The following TNFSF11 variants were observed in gnomAD, a reference collection of about 807,000 sequenced individuals.
TNFSF11 encodes the protein TNF superfamily member 11.
In TNFSF11, 12 loss-of-function variants were observed where a neutral mutation model predicts 32.2. The ratio of observed to expected loss-of-function variants is 0.37; its 90% confidence interval spans 0.24 to 0.60. The LOEUF is 0.60. Ranked by LOEUF, TNFSF11 falls within the 20% of genes least tolerant of loss-of-function variation. The pLI is 0.66. For missense variants in TNFSF11, 345 were observed against 398.0 expected, an observed-to-expected ratio of 0.87 and a Z score of 1.13; for synonymous variants, 172 against 152.1, an observed-to-expected ratio of 1.13 and a Z score of -0.96.
intron 2 of TNFSF11, among the ~76,000 whole-genome samples, chr13:42,596,622 A>G (rs1429211134): frequency 6.6e-6 from 1 of 152,238 alleles, no homozygotes; most frequent in Non-Finnish European, 1.5e-5. Context: ...AGTAGTAGTT[A>G]TAGTTTTCCA....
Position 42,607,101 on chromosome 13 carries a change from T to G in TNFSF11, c.*183T>G, listed in dbSNP as rs1869506509. 1.4e-6 allele frequency: 1 copy of G among 702,246 alleles called. No individual in the cohort carries two copies. Among genetic ancestry groups the G allele is most frequent in the African/African-American group, 1.8e-5 (1 of 55,602 alleles). The allele number at this position is 702,246 out of a possible 1,614,324, so 43.5% of individuals were successfully genotyped here. A position where few individuals can be genotyped will look rare whatever the true frequency, so the allele number is the denominator to read the frequency against. ...CGTATTTACAGCCAGTGGGAGATGT[T>G]AGACTCATGGTGTGTTACACAATGG... On this transcript the variant is annotated 3_prime_UTR_variant, in exon 5 of 5. Transcript: ENST00000398795.
chr13:42,563,140 C>T (rs915153668), intron 1 of TNFSF11, among the ~76,000 whole-genome samples: 1 of 152,204 alleles, frequency 6.6e-6, no homozygotes, highest in Non-Finnish European at 1.5e-5. Flanking sequence ...CAGGTTATAA[C>T]TTTACTAGTC....
At chr13:42,588,595 G>T (rs996195009) in intron 2 of TNFSF11, among the ~76,000 whole-genome samples, 2 of 152,218 alleles carry the variant, frequency 1.3e-5, no homozygotes, top group Non-Finnish European at 2.9e-5. Context: ...GGTACAGCCT[G>T]TGTAATTGAA....
At chr13:42,576,598 A>T (rs187925747) in intron 1 of TNFSF11, among the ~76,000 whole-genome samples, 6 of 152,306 alleles carry the variant, frequency 3.9e-5, no homozygotes, top group African/African-American at 1.4e-4. Flanking sequence ...TTTAGCTATT[A>T]TTCTGAACCC....
At chr13:42,588,931 C>A (rs1013771478) in intron 2 of TNFSF11, among the ~76,000 whole-genome samples, 5 of 152,162 alleles carry the variant, frequency 3.3e-5, no homozygotes, top group African/African-American at 1.2e-4. Context: ...CTTGCTCAAA[C>A]TTTTGGAAGT....
chr13:42,587,372 A>G (rs1873948037), intron 2 of TNFSF11, among the ~76,000 whole-genome samples: 1 of 152,222 alleles, frequency 6.6e-6, no homozygotes, highest in African/African-American at 2.4e-5. Context: ...CTAATAGGCA[A>G]AAAGGAGTGG....
intron 1 of TNFSF11, among the ~76,000 whole-genome samples, chr13:42,577,753 CT>C (rs1487426351): frequency 6.6e-6 from 1 of 152,154 alleles, no homozygotes; most frequent in Non-Finnish European, 1.5e-5. Context: ...TGTGCACTGC[CT>C]GTTTGAAAAC....
At chr13:42,600,721 TA>T (rs1173392481) in intron 2 of TNFSF11, 30 bp from the exon 3 acceptor site, 13 of 1,582,902 alleles carry the variant, frequency 8.2e-6, no homozygotes, top group African/African-American at 1.4e-5. Context: ...AATGATTTTA[TA>T]AATAAAATTA....
chr13:42,574,638 G>A, intron 1 of TNFSF11, 116 bp downstream of exon 1: 2 of 1,285,434 alleles, frequency 1.6e-6, no homozygotes, highest in Admixed American at 2.0e-5. Flanking sequence ...TATTCCGGAA[G>A]GGAAAGTGAC....
chr13:42,589,083 A>G (rs1039543525), intron 2 of TNFSF11, among the ~76,000 whole-genome samples: 6 of 152,158 alleles, frequency 3.9e-5, no homozygotes, highest in African/African-American at 1.2e-4. Flanking sequence ...CATCATAATG[A>G]TAAACCCTAA....
At chr13:42,576,072 A>C (rs999067240) in intron 1 of TNFSF11, among the ~76,000 whole-genome samples, 2 of 152,246 alleles carry the variant, frequency 1.3e-5, no homozygotes, top group Non-Finnish European at 2.9e-5. Flanking sequence ...AAACCATTAA[A>C]ATTCTTAGTC....
At chr13:42,568,962 G>C (rs73174422) in intron 2 of TNFSF11, among the ~76,000 whole-genome samples, 2,589 of 152,234 alleles carry the variant, frequency 0.017, 38 homozygotes, top group Non-Finnish European at 0.027. Context: ...AATCCAAGGG[G>C]TTTAACTGAA....
intron 2 of TNFSF11, among the ~76,000 whole-genome samples, chr13:42,583,417 T>TGAAA (rs1873716378): frequency 4.1e-5 from 1 of 24,644 alleles, no homozygotes; most frequent in Non-Finnish European, 7.0e-5. Context: ...AAGACCCTGC[T>TGAAA]AAAAAAAAAA....
intron 1 of TNFSF11, among the ~76,000 whole-genome samples, chr13:42,576,188 G>T (rs1242796426): frequency 6.6e-6 from 1 of 152,246 alleles, no homozygotes; most frequent in Non-Finnish European, 1.5e-5. Context: ...CCATAATAGT[G>T]AAGAGAGTGT....
upstream of TNFSF11, among the ~76,000 whole-genome samples, chr13:42,570,619 T>C (rs1008769943): frequency 6.6e-6 from 1 of 152,212 alleles, no homozygotes; most frequent in Non-Finnish European, 1.5e-5. Flanking sequence ...TTAGTTGATA[T>C]ATTGTTAAAA....
intron 1 of TNFSF11, among the ~76,000 whole-genome samples, chr13:42,564,813 T>C (rs1872810793): frequency 6.6e-6 from 1 of 152,236 alleles, no homozygotes; most frequent in Non-Finnish European, 1.5e-5. Context: ...GTAGTTTCAG[T>C]GCAACTCTTG....
intron 2 of TNFSF11, among the ~76,000 whole-genome samples, chr13:42,599,106 G>A (rs1868983932): frequency 6.6e-6 from 1 of 152,180 alleles, no homozygotes; most frequent in South Asian, 2.1e-4. Flanking sequence ...GAGTCCTAGG[G>A]TTTCTTTCTA....
chr13:42,595,591 C>T (rs1283043585), intron 2 of TNFSF11, among the ~76,000 whole-genome samples: 2 of 152,154 alleles, frequency 1.3e-5, no homozygotes, highest in Non-Finnish European at 2.9e-5. Context: ...CCAGGCTGTT[C>T]GCTGAGAGGT....
Position 42,607,036 on chromosome 13 carries a change from A to G in TNFSF11, c.*118A>G, listed in dbSNP as rs201854181. On this transcript the variant is annotated 3_prime_UTR_variant, in exon 5 of 5. Transcript: ENST00000398795. The stretch of plus-strand genomic sequence containing the variant: ...CTAAGAGGCATGGCCCCAACGGTAC[A>G]CGACTCAGTATCCATGCTCTTGACC... 16 of 1,271,442 alleles carry G rather than the reference A, an allele frequency of 1.3e-5. No homozygotes were observed. Among genetic ancestry groups the G allele is most frequent in the Middle Eastern group, 2.6e-4 (1 of 3,784 alleles). 78.8% of individuals were successfully genotyped at this position (1,271,442 alleles called of 1,614,324 possible). A position where few individuals can be genotyped will look rare whatever the true frequency, so the allele number is the denominator to read the frequency against.
Sources: gnomAD v4.1 joint callset for allele counts (sites outside exome capture counted in the v4.1 genomes callset) on GRCh38, gnomAD v4.1.1 for gene constraint, MANE v1.5 for transcripts, NCBI Gene and HGNC (gene_info 2026-07-23, HGNC 2026-07-21) for gene names.